The following ZNF346 variants were observed in gnomAD, a reference collection of about 807,000 sequenced individuals.
The protein encoded by ZNF346 is double-stranded RNA-binding zinc finger protein JAZ.
In ZNF346, 23 loss-of-function variants were observed where a neutral mutation model predicts 33.7. That is an observed-to-expected ratio of 0.68 (90% CI 0.49 to 0.97). The LOEUF (loss-of-function observed/expected upper bound fraction) is 0.97. Ranked by LOEUF, ZNF346 falls within the 50% of genes least tolerant of loss-of-function variation. The probability of loss-of-function intolerance (pLI) is 0.00; values close to 1 mark genes in which losing one functional copy is unlikely to be tolerated. For synonymous variants in ZNF346, 134 were observed against 142.4 expected (o/e 0.94, Z 0.42); for missense variants, 340 against 371.1 (o/e 0.92, Z 0.69).
chr5:177,045,067 A>G (rs1225006432), intron 4 of ZNF346, among the ~76,000 whole-genome samples: 1 of 152,190 alleles, frequency 6.6e-6, no homozygotes, highest in Non-Finnish European at 1.5e-5. Context: ...CCATGAATTC[A>G]TTCCCAGTAC....
chr5:177,053,257 A>G (rs1044246583), intron 5 of ZNF346, among the ~76,000 whole-genome samples: 16 of 144,798 alleles, frequency 1.1e-4, no homozygotes, highest in Non-Finnish European at 2.2e-4. Flanking sequence ...TGGAGGTTGC[A>G]GTGATCCAAG....
Position 177,064,901 on chromosome 5 carries a change from G to A in ZNF346, c.*302G>A. ...CCAACCCCTCTGGGCCTTAGGTGCT[G>A]AGGCCCCTGCCACCTGTCTTTCCTC... On this transcript the variant is annotated 3_prime_UTR_variant, in exon 7 of 7. Coordinates refer to ENST00000358149, the MANE Select transcript of ZNF346 (RefSeq NM_012279.4). The A allele has an allele frequency of 2.9e-6, 1 of 347,106 alleles. No individual in the cohort carries two copies. Among genetic ancestry groups the A allele is most frequent in the Non-Finnish European group, 5.3e-6 (1 of 188,312 alleles). 21.5% of individuals were successfully genotyped at this position (347,106 alleles called of 1,614,324 possible). A position where few individuals can be genotyped will look rare whatever the true frequency, so the allele number is the denominator to read the frequency against.
rs908612374 is a variant in ZNF346 at position 177,036,659 on chromosome 5, C to T, written c.176-4467C>T. 3.3e-5 allele frequency among the ~76,000 whole-genome samples: 5 copies of T among 152,304 alleles called. No homozygotes were observed. The South Asian group carries it at 8.3e-4, about 25-fold the overall frequency. On this transcript the variant is annotated intron_variant, in intron 1 of 6. Coordinates refer to ENST00000358149, the MANE Select transcript of ZNF346 (RefSeq NM_012279.4). Reference sequence around the variant, plus strand: ...CTTGCCCCAACCATGAGCACACCTCCGGCCAGTGAAGCCTTTCACTCTTCC... The same window carrying T: ...CTTGCCCCAACCATGAGCACACCTCTGGCCAGTGAAGCCTTTCACTCTTCC...
chr5:177,048,482 A>G (rs946359187), intron 4 of ZNF346, among the ~76,000 whole-genome samples: 1 of 152,182 alleles, frequency 6.6e-6, no homozygotes, highest in Non-Finnish European at 1.5e-5. Context: ...TTAGCTGGGC[A>G]TGGTGGCGTA....
chr5:177,038,863 TTTC>T (rs1389081835), intron 1 of ZNF346, among the ~76,000 whole-genome samples: 1 of 138,766 alleles, frequency 7.2e-6, no homozygotes, highest in Non-Finnish European at 1.5e-5. Context: ...TTTCTTCTTT[TTTC>T]TTCTTCTTCT....
At chr5:177,024,697 G>A (rs868695430) in intron 1 of ZNF346, among the ~76,000 whole-genome samples, 1 of 152,328 alleles carries the variant, frequency 6.6e-6, no homozygotes, top group Middle Eastern at 3.4e-3. Flanking sequence ...CAGTTCCAGT[G>A]TAATGTAAAG....
Position 177,034,821 on chromosome 5 carries a change from C to T in ZNF346, c.176-6305C>T, listed in dbSNP as rs112094050. ...GGAACTACATCAGTTTTCCAGCATCCGTTGTCCAGCTTCATAGGTTGAGAG... is the reference window on the plus strand; with the variant it reads ...GGAACTACATCAGTTTTCCAGCATCTGTTGTCCAGCTTCATAGGTTGAGAG... On this transcript the variant is annotated intron_variant, in intron 1 of 6. Transcript: ENST00000358149. Among the ~76,000 whole-genome samples, 629 of 152,268 alleles carry T rather than the reference C, an allele frequency of 4.1e-3. 7 individuals carry two copies. The highest frequency in any genetic ancestry group is 0.014 in the African/African-American group (581 of 41,536).
In ZNF346 at chr5:177,034,055, G is replaced by A. The variant is rs998501082; in HGVS notation, c.176-7071G>A. On this transcript the variant is annotated intron_variant, in intron 1 of 6. Coordinates refer to ENST00000358149, the MANE Select transcript of ZNF346 (RefSeq NM_012279.4). The stretch of plus-strand genomic sequence containing the variant: ...CACCACCATACCCAGCTAATTTTTT[G>A]TAGTTTTTTATAGAGATGGGGTTTC... 2.0e-5 allele frequency among the ~76,000 whole-genome samples: 3 copies of A among 151,278 alleles called. No individual in the cohort carries two copies. In the East Asian group the frequency reaches 5.9e-4, roughly 30 times the overall value.
chr5:177,035,002 T>TTTTTC (rs1159727947), intron 1 of ZNF346, among the ~76,000 whole-genome samples: 4 of 151,318 alleles, frequency 2.6e-5, no homozygotes, highest in Non-Finnish European at 5.9e-5. Context: ...AGTGATTTTC[T>TTTTTC]TTTTCTTTTC....
intron 6 of ZNF346, among the ~76,000 whole-genome samples, chr5:177,063,377 C>T (rs1377153442): frequency 1.3e-5 from 2 of 152,180 alleles, no homozygotes; most frequent in Admixed American, 1.3e-4. Context: ...TAAAAAATGT[C>T]CTTAGTTCTC....
intron 4 of ZNF346, among the ~76,000 whole-genome samples, chr5:177,048,984 C>T (rs754852490): frequency 6.6e-6 from 1 of 151,860 alleles, no homozygotes; most frequent in Non-Finnish European, 1.5e-5. Flanking sequence ...CTGAGTTTCA[C>T]CATGTTGGCC....
chr5:177,048,035 G>T (rs963799613), intron 4 of ZNF346, among the ~76,000 whole-genome samples: 2 of 152,026 alleles, frequency 1.3e-5, no homozygotes, highest in Admixed American at 6.6e-5. Context: ...TGACTGCATC[G>T]TACTACATTT....
At chr5:177,043,287 C>T (rs1288955894) in intron 3 of ZNF346, among the ~76,000 whole-genome samples, 1 of 152,186 alleles carries the variant, frequency 6.6e-6, no homozygotes, top group Non-Finnish European at 1.5e-5. Flanking sequence ...GTATGAGCCA[C>T]CACACCTGGC....
chr5:177,024,130 T>G (rs1385812668), intron 1 of ZNF346, among the ~76,000 whole-genome samples: 1 of 143,432 alleles, frequency 7.0e-6, no homozygotes, highest in Non-Finnish European at 1.5e-5. Context: ...TATATATTTT[T>G]ATATACACTT....
chr5:177,061,970 TAGAA>T, intron 5 of ZNF346, 84 bp from the exon 6 acceptor site: 1 of 1,179,782 alleles, frequency 8.5e-7, no homozygotes. Flanking sequence ...TGTCCGTCCT[TAGAA>T]GGGCATTTGT....
At position 177,073,615 on chromosome 5, in the gene ZNF346, T is replaced by A. The variant is rs190676451; in HGVS notation, c.*3-5767T>A. On this transcript the variant is annotated intron_variant, in intron 8 of 8. Coordinates refer to the ZNF346 transcript ENST00000503039. The stretch of plus-strand genomic sequence containing the variant: ...CACCGCACCTGGCCGGAAAGACTTA[T>A]TGAGGGAGATGATCCTCTAGTGGTC... Among the ~76,000 whole-genome samples the A allele has an allele frequency of 2.0e-5, 3 of 152,082 alleles. No individual in the cohort carries two copies. The East Asian group carries it at 5.8e-4, about 29-fold the overall frequency.
At chr5:177,073,562 C>G (rs1783601508) in intron 8 of ZNF346, among the ~76,000 whole-genome samples, 1 of 152,174 alleles carries the variant, frequency 6.6e-6, no homozygotes, top group Non-Finnish European at 1.5e-5. Context: ...CCTCGGCCTA[C>G]CAGAGTGCTG....
chr5:177,049,604 T>A (rs251844), intron 4 of ZNF346, among the ~76,000 whole-genome samples: 87,963 of 152,012 alleles, frequency 0.58, 27,207 homozygotes, highest in African/African-American at 0.81. Flanking sequence ...TCTGAAGGCG[T>A]AAGTAAGAGC....
At chr5:177,080,816 A>C (rs979925303) in exon 9 of ZNF346, 4 of 152,138 alleles carry the variant, frequency 2.6e-5, no homozygotes, top group African/African-American at 9.7e-5. Context: ...TCCAAAAAAA[A>C]CCCAGATCTG....
Sources: allele counts gnomAD v4.1 joint callset (sites outside exome capture counted in the v4.1 genomes callset), GRCh38; gene constraint gnomAD v4.1.1; transcripts MANE v1.5; gene names NCBI Gene and HGNC (gene_info 2026-07-23, HGNC 2026-07-21).